The following LRRC56 variants were observed in gnomAD, a reference collection of about 807,000 sequenced individuals.
The protein encoded by LRRC56 is leucine-rich repeat-containing protein 56.
LRRC56 carries 41 observed loss-of-function variants against 47.8 expected under a neutral mutation model. The observed-to-expected ratio is 0.86, with a 90% CI of 0.67 to 1.11. The LOEUF (loss-of-function observed/expected upper bound fraction) is 1.11, where lower values mean the gene tolerates loss of function less well. LRRC56 is among the 50% of genes most tolerant of loss of function. LRRC56 has a pLI of 0.00. For missense variants in LRRC56, 759 were observed against 704.2 expected, an observed-to-expected ratio of 1.08 and a Z score of -0.88; for synonymous variants, 387 against 311.2, an observed-to-expected ratio of 1.24 and a Z score of -2.56.
chr11:549,972 G>A lies in LRRC56; in HGVS notation c.397G>A (p.Gly133Ser). Reference protein sequence around the residue: ...LARCGLADLDGIASLPALKEL... With the variant: ...LARCGLADLDSIASLPALKEL... ...TCGCTGTGGCCTCGCTGACCTGGAT[G>A]GCATCGCCTCTTTGCCAGCACTTAA... is the stretch of plus-strand genomic sequence containing the variant. Residue 133 changes from glycine to serine, a missense_variant, in exon 7 of 14, where the codon GGC becomes AGC. Gly to Ser is a moderately conservative substitution (Grantham distance 56). Transcript: ENST00000270115. The A allele has an allele frequency of 1.9e-6, 3 of 1,612,824 alleles. No individual in the cohort carries two copies. The highest frequency in any genetic ancestry group is 2.5e-6 in the Non-Finnish European group (3 of 1,179,850).
chr11:521,914 C>A, the LRRC56 span, among the ~76,000 whole-genome samples: 13 of 142,810 alleles, frequency 9.1e-5, no homozygotes, highest in South Asian at 2.3e-4. Context: ...GACTCCGTCT[C>A]AAAAAAAAAA....
intron 6 of LRRC56, among the ~76,000 whole-genome samples, chr11:545,439 G>A (rs559189645): frequency 1.1e-3 from 166 of 152,324 alleles, no homozygotes; most frequent in Non-Finnish European, 2.2e-3. Flanking sequence ...GAACCTGCAC[G>A]TAGAACCCAG....
At chr11:518,331 G>A in the LRRC56 span, among the ~76,000 whole-genome samples, 19 of 152,032 alleles carry the variant, frequency 1.2e-4, no homozygotes, top group East Asian at 1.4e-3. Context: ...ACAGGTGCCC[G>A]CCACCACGCC....
chr11:533,887 C>T (rs2133991188), upstream of LRRC56: 1 of 1,613,330 alleles, frequency 6.2e-7, no homozygotes, highest in Non-Finnish European at 8.5e-7. Flanking sequence ...CCGGCGGTAT[C>T]CAGGATGTCC....
intron 13 of LRRC56, 51 bp downstream of exon 13, chr11:552,753 C>T: frequency 6.6e-7 from 1 of 1,522,090 alleles, no homozygotes; most frequent in Non-Finnish European, 8.9e-7. Context: ...ACCAACACCC[C>T]ACTTCTATAG....
the LRRC56 span, among the ~76,000 whole-genome samples, chr11:518,053 T>C: frequency 2.6e-5 from 4 of 152,156 alleles, no homozygotes; most frequent in Non-Finnish European, 5.9e-5. Flanking sequence ...GACCTCTGCC[T>C]AGGAAAACCA....
chr11:550,370 C>G (rs909661203), intron 8 of LRRC56, 98 bp downstream of exon 8: 1 of 1,110,862 alleles, frequency 9.0e-7, no homozygotes, highest in Non-Finnish European at 1.2e-6. Flanking sequence ...TACTTCTGTG[C>G]CCACCCGCAC....
chr11:518,850 G>C, the LRRC56 span, among the ~76,000 whole-genome samples: 1 of 152,044 alleles, frequency 6.6e-6, no homozygotes, highest in Non-Finnish European at 1.5e-5. Context: ...CCGAACGCGC[G>C]AGCGAGGCCG....
the LRRC56 span, chr11:506,832 G>A: frequency 6.6e-6 from 1 of 152,304 alleles, no homozygotes; most frequent in Non-Finnish European, 1.5e-5. Flanking sequence ...CCGCGCCCCG[G>A]GCAAGGACTT....
chr11:547,662 A>G (rs747616334), intron 6 of LRRC56, among the ~76,000 whole-genome samples: 2 of 152,022 alleles, frequency 1.3e-5, no homozygotes, highest in Non-Finnish European at 2.9e-5. Flanking sequence ...AGAAGCCTCT[A>G]TTGTTAAGAC....
chr11:541,271 T>C lies in LRRC56; in HGVS notation c.178-266T>C, dbSNP rs1263778355. 6.6e-6 allele frequency among the ~76,000 whole-genome samples: 1 copy of C among 152,062 alleles called. No homozygotes were observed. The highest frequency in any genetic ancestry group is 1.5e-5 in the Non-Finnish European group (1 of 67,972). On this transcript the variant is annotated intron_variant, in intron 4 of 13. Coordinates refer to ENST00000270115, the MANE Select transcript of LRRC56 (RefSeq NM_198075.4). This position sits in a 1 kb window ranked among gnomAD's most constrained non-coding sequence, Gnocchi z 4.1. ...CGGGCTCTGGGTGCCGGGTGTGGTGTGTCTGCCCTGGGAGTCTCTCTGGAG... is the reference window on the plus strand; with the variant it reads ...CGGGCTCTGGGTGCCGGGTGTGGTGCGTCTGCCCTGGGAGTCTCTCTGGAG...
rs762717578 is a variant in LRRC56, at chr11:553,989, C to G, written c.1342C>G (p.Leu448Val). ...GCCCTCCGGGACCTCGAGCCAGCACCTGGTCCCTTCACCTCCCAAGCACCC... is the reference window on the plus strand; with the variant it reads ...GCCCTCCGGGACCTCGAGCCAGCACGTGGTCCCTTCACCTCCCAAGCACCC... ...SEPSGTSSQH[L>V]VPSPPKHPRP... The change falls in exon 14 of 14, where the codon CTG becomes GTG. Residue 448 changes from leucine to valine, a missense_variant. Transcript: ENST00000270115. 1.9e-6 allele frequency: 3 copies of G among 1,612,180 alleles called. No individual in the cohort carries two copies. In the African/African-American group the frequency reaches 4.0e-5, roughly 22 times the overall value.
the LRRC56 span, chr11:507,175 C>G: frequency 6.6e-6 from 1 of 152,240 alleles, no homozygotes; most frequent in Non-Finnish European, 1.5e-5. Flanking sequence ...CTACTTCGTT[C>G]TCGAGCCAGC....
chr11:545,444 AC>A (rs1200873444), intron 6 of LRRC56, among the ~76,000 whole-genome samples: 2 of 152,114 alleles, frequency 1.3e-5, no homozygotes, highest in African/African-American at 4.8e-5. Flanking sequence ...TGCACGTAGA[AC>A]CCAGACCAGA....
At chr11:526,395 C>T in the LRRC56 span, among the ~76,000 whole-genome samples, 6 of 152,172 alleles carry the variant, frequency 3.9e-5, no homozygotes, top group South Asian at 1.0e-3. Flanking sequence ...GACAGGACTC[C>T]GATGCATCCC....
intron 13 of LRRC56, among the ~76,000 whole-genome samples, chr11:553,721 C>T (rs968047051): frequency 3.3e-5 from 5 of 152,190 alleles, no homozygotes; most frequent in Non-Finnish European, 5.9e-5. Flanking sequence ...ACACAGAGGA[C>T]CCAGGGCCAG....
chr11:522,041 T>TA, the LRRC56 span, among the ~76,000 whole-genome samples: 11 of 152,076 alleles, frequency 7.2e-5, no homozygotes, highest in East Asian at 1.7e-3. Flanking sequence ...TAAATCCAAA[T>TA]ATATCAATAA....
At chr11:507,974 G>C in the LRRC56 span, among the ~76,000 whole-genome samples, 61 of 152,378 alleles carry the variant, frequency 4.0e-4, no homozygotes, top group African/African-American at 1.5e-3. Flanking sequence ...GAGGGGCGCA[G>C]GCCGAGTTCC....
chr11:547,947 G>A (rs2134051008), intron 6 of LRRC56, among the ~76,000 whole-genome samples: 1 of 152,034 alleles, frequency 6.6e-6, no homozygotes, highest in Non-Finnish European at 1.5e-5. Context: ...CCAAGATGGT[G>A]AAACCCCGTA....
Sources: allele counts gnomAD v4.1 joint callset (sites outside exome capture counted in the v4.1 genomes callset), GRCh38; gene constraint gnomAD v4.1.1; non-coding constraint Gnocchi (gnomAD v3.1); transcripts MANE v1.5; gene names NCBI Gene and HGNC (gene_info 2026-07-23, HGNC 2026-07-21).